Variants in LRRC37A2 observed in about 807,000 individuals in gnomAD.
The protein encoded by LRRC37A2 is leucine-rich repeat-containing protein 37A2.
In LRRC37A2, 9 loss-of-function variants were observed where a neutral mutation model predicts 68.8. That is an observed-to-expected ratio of 0.13 (90% CI 0.08 to 0.23). The LOEUF is 0.23. Ranked by LOEUF, LRRC37A2 falls within the 10% of genes least tolerant of loss-of-function variation. The probability of loss-of-function intolerance (pLI) is 1.00; values close to 1 mark genes in which losing one functional copy is unlikely to be tolerated. For synonymous variants in LRRC37A2, 63 were observed against 367.6 expected, an observed-to-expected ratio of 0.17 and a Z score of 9.48; for missense variants, 168 against 950.4, an observed-to-expected ratio of 0.18 and a Z score of 10.82.
chr17:46,948,594 A>G, the LRRC37A2 span: 3 of 152,242 alleles, frequency 2.0e-5, no homozygotes, highest in African/African-American at 7.2e-5. Flanking sequence ...GGAAATGGGA[A>G]TGCTAATAAT....
At chr17:46,741,450 G>T in the LRRC37A2 span, among the ~76,000 whole-genome samples, 1 of 152,174 alleles carries the variant, frequency 6.6e-6, no homozygotes, top group Admixed American at 6.5e-5. Context: ...GCACCATGAG[G>T]ATGGTTACAA....
At chr17:46,801,509 A>T in the LRRC37A2 span, among the ~76,000 whole-genome samples, 23 of 122,658 alleles carry the variant, frequency 1.9e-4, no homozygotes, top group African/African-American at 7.2e-4. Context: ...AATCCCAGCA[A>T]CTTGGGAGGC....
chr17:47,044,669 C>G, the LRRC37A2 span, among the ~76,000 whole-genome samples: 1 of 151,782 alleles, frequency 6.6e-6, no homozygotes, highest in African/African-American at 2.4e-5. Context: ...CCCAGCCATT[C>G]TAAGGCTTAA....
chr17:46,738,012 C>A, the LRRC37A2 span, among the ~76,000 whole-genome samples: 6 of 151,950 alleles, frequency 3.9e-5, no homozygotes, highest in South Asian at 1.0e-3. Context: ...TCAATCACTG[C>A]AGCCTTTACC....
the LRRC37A2 span, among the ~76,000 whole-genome samples, chr17:46,892,615 A>G: frequency 1.3e-5 from 2 of 152,196 alleles, no homozygotes; most frequent in Admixed American, 6.5e-5. Flanking sequence ...CTGGACTGTG[A>G]GCTTCTATGA....
the LRRC37A2 span, among the ~76,000 whole-genome samples, chr17:46,989,082 A>T: frequency 6.6e-6 from 1 of 152,118 alleles, no homozygotes; most frequent in Non-Finnish European, 1.5e-5. Context: ...CGAGCATAGG[A>T]AATCATTTTC....
the LRRC37A2 span, chr17:46,886,659 T>C: frequency 6.6e-6 from 1 of 152,218 alleles, no homozygotes; most frequent in African/African-American, 2.4e-5. Flanking sequence ...CTGGTTGGAG[T>C]TCTTTGAATA....
the LRRC37A2 span, among the ~76,000 whole-genome samples, chr17:46,377,836 G>C: frequency 1.5e-5 from 1 of 68,686 alleles, no homozygotes; most frequent in African/African-American, 3.8e-5. Context: ...CCAAAGTGCT[G>C]AGATTACAAG....
rs1292739175 is a variant in LRRC37A2, at chr17:46,525,613, T to TC, written c.2906+1729_2906+1730insC. On this transcript the variant is annotated intron_variant, in intron 6 of 14. Coordinates refer to ENST00000576629, the Ensembl canonical transcript of LRRC37A2. ...AATAATAATAATAATATAATAATAA[T>TC]AATCATCATCATCATCATCATCATC... Among the ~76,000 whole-genome samples the TC allele has an allele frequency of 8.2e-4, 97 of 118,962 alleles. 3 individuals are homozygous for TC. Among genetic ancestry groups the TC allele is most frequent in the African/African-American group, 2.7e-3 (89 of 33,014 alleles). The allele number at this position is 118,962 out of a possible 152,430, so 78.0% of individuals were successfully genotyped here.
chr17:46,943,460 A>G, the LRRC37A2 span, among the ~76,000 whole-genome samples: 1 of 152,162 alleles, frequency 6.6e-6, no homozygotes, highest in South Asian at 2.1e-4. Context: ...TTTGCACAAG[A>G]TGTTTCCTCT....
the LRRC37A2 span, among the ~76,000 whole-genome samples, chr17:47,032,501 T>C: frequency 6.6e-6 from 1 of 152,230 alleles, no homozygotes; most frequent in Admixed American, 6.5e-5. Flanking sequence ...AGCTGAATGA[T>C]GACAATTTGG....
chr17:46,891,818 C>G, the LRRC37A2 span, among the ~76,000 whole-genome samples: 1 of 152,120 alleles, frequency 6.6e-6, no homozygotes, highest in Non-Finnish European at 1.5e-5. Context: ...TTCTTGGCTC[C>G]AAACTAAATG....
chr17:46,610,007 CTCTT>C, the LRRC37A2 span, among the ~76,000 whole-genome samples: 3 of 117,036 alleles, frequency 2.6e-5, no homozygotes, highest in African/African-American at 9.5e-5. Flanking sequence ...CTTTCTTTCT[CTCTT>C]TCTTTCTTTC....
chr17:46,907,811 G>A, the LRRC37A2 span, among the ~76,000 whole-genome samples: 4,765 of 151,478 alleles, frequency 0.031, 83 homozygotes, highest in Middle Eastern at 0.071. Context: ...AGCCATGATC[G>A]TGACACTGTA....
the LRRC37A2 span, among the ~76,000 whole-genome samples, chr17:46,849,304 C>T: frequency 6.6e-6 from 1 of 152,368 alleles, no homozygotes; most frequent in African/African-American, 2.4e-5. Context: ...ATGTAACTTT[C>T]ATGAAATTTT....
chr17:46,795,302 T>A, the LRRC37A2 span, among the ~76,000 whole-genome samples: 2 of 152,126 alleles, frequency 1.3e-5, no homozygotes, highest in African/African-American at 4.8e-5. Flanking sequence ...TCCCCTGGTG[T>A]GGCCAGAACT....
the LRRC37A2 span, among the ~76,000 whole-genome samples, chr17:46,667,510 A>G: frequency 1.4e-5 from 2 of 142,980 alleles, 1 homozygote; most frequent in Non-Finnish European, 3.2e-5. Flanking sequence ...TAAAACTAAA[A>G]CAACCCAATG....
the LRRC37A2 span, chr17:46,755,978 C>A: frequency 1.5e-6 from 1 of 669,964 alleles, no homozygotes; most frequent in Non-Finnish European, 2.5e-6. Context: ...ATAAAACTCC[C>A]TTCCTTATGC....
the LRRC37A2 span, among the ~76,000 whole-genome samples, chr17:46,933,791 T>C: frequency 0.54 from 82,385 of 151,558 alleles, 22,764 homozygotes; most frequent in Non-Finnish European, 0.6. Flanking sequence ...GGTGAGACAT[T>C]GTCTCTACAA....
Sources: gnomAD v4.1 joint callset for allele counts (sites outside exome capture counted in the v4.1 genomes callset) on GRCh38, gnomAD v4.1.1 for gene constraint, MANE v1.5 for transcripts, NCBI Gene and HGNC (gene_info 2026-07-23, HGNC 2026-07-21) for gene names.